The following ANK2 variants were observed in gnomAD, a reference collection of about 807,000 sequenced individuals.
ANK2 encodes ankyrin-2.
A neutral mutation model predicts 360.5 loss-of-function variants in ANK2; 83 were observed. The ratio of observed to expected loss-of-function variants is 0.23; its 90% confidence interval spans 0.19 to 0.28. The LOEUF is 0.28. Ranked by LOEUF, ANK2 falls within the 10% of genes least tolerant of loss-of-function variation. ANK2 has a pLI of 1.00. For missense variants in ANK2, 4,201 were observed against 4,795.7 expected, an observed-to-expected ratio of 0.88 and a Z score of 3.66; for synonymous variants, 1,740 against 1,759.5, an observed-to-expected ratio of 0.99 and a Z score of 0.28.
intron 1 of ANK2, among the ~76,000 whole-genome samples, chr4:113,125,477 A>G (rs1336087663): frequency 6.6e-6 from 1 of 152,198 alleles, no homozygotes; most frequent in Non-Finnish European, 1.5e-5. Flanking sequence ...TTAATAAAGT[A>G]TATTTATACA....
At position 113,265,008 on chromosome 4, in the gene ANK2, G is replaced by A. The variant is rs765350228; in HGVS notation, c.1485+13G>A. The A allele has an allele frequency of 1.3e-6, 2 of 1,553,608 alleles. No individual in the cohort carries two copies. The highest frequency in any genetic ancestry group is 1.4e-5 in the African/African-American group (1 of 73,510). The stretch of plus-strand genomic sequence containing the variant: ...TGCCAGAGCCAGGGTAGGTACTGGT[G>A]CCCTGAGGTTCTCTTCTATCGCAGC... On this transcript the variant is annotated intron_variant, in intron 14 of 45. Coordinates refer to ENST00000357077, the MANE Select transcript of ANK2 (RefSeq NM_001148.6).
At chr4:112,953,359 A>C (rs1316495727) in intron 2 of ANK2, among the ~76,000 whole-genome samples, 1 of 152,248 alleles carries the variant, frequency 6.6e-6, no homozygotes, top group Non-Finnish European at 1.5e-5. Context: ...ATAGTTCTAG[A>C]AGGAAATAAA....
intron 4 of ANK2, among the ~76,000 whole-genome samples, chr4:113,217,339 T>C (rs751855959): frequency 1.3e-5 from 2 of 152,182 alleles, no homozygotes; most frequent in Non-Finnish European, 2.9e-5. Context: ...CAACTAAAGT[T>C]TGTTCGGGGT....
intron 1 of ANK2, among the ~76,000 whole-genome samples, chr4:112,846,055 C>G (rs1462598936): frequency 6.6e-6 from 1 of 152,172 alleles, no homozygotes; most frequent in East Asian, 1.9e-4. Flanking sequence ...TTTCTTCTTA[C>G]TTCTTGAAAC....
intron 2 of ANK2, among the ~76,000 whole-genome samples, chr4:112,935,120 AGTGT>A (rs10601105): frequency 0.041 from 6,137 of 148,730 alleles, 478 homozygotes; most frequent in East Asian, 0.31. Flanking sequence ...AGTCAGAGAA[AGTGT>A]GTGTGTGTGT....
At chr4:112,815,433 T>C (rs1459633891), upstream of ANK2, among the ~76,000 whole-genome samples, 1 of 152,222 alleles carries the variant, frequency 6.6e-6, no homozygotes, top group Non-Finnish European at 1.5e-5. Context: ...CCCTAGTTTC[T>C]GACGCAGAGC....
rs1156303565 is a variant in ANK2, at chr4:113,381,815, A to G, written c.*344A>G. Reference sequence around the variant, plus strand: ...CCCCATCCTCTTTAACTATAAAGCTAATTTGTGACCAAAGATGGCATCCTT... The same window carrying G: ...CCCCATCCTCTTTAACTATAAAGCTGATTTGTGACCAAAGATGGCATCCTT... On this transcript the variant is annotated 3_prime_UTR_variant, in exon 46 of 46. Coordinates refer to ENST00000357077, the MANE Select transcript of ANK2 (RefSeq NM_001148.6). The G allele has an allele frequency of 2.7e-5, 15 of 554,328 alleles. No homozygotes were observed. Among genetic ancestry groups the G allele is most frequent in the Non-Finnish European group, 3.6e-5 (12 of 329,590 alleles). 34.3% of individuals were successfully genotyped at this position (554,328 alleles called of 1,614,324 possible).
the ANK2 span, chr4:112,738,928 C>A: frequency 1.4e-6 from 1 of 707,782 alleles, no homozygotes; most frequent in Non-Finnish European, 2.5e-6. Context: ...GTGGCTTCCG[C>A]AAGTTCCTGG....
chr4:113,380,897 C>T (rs73844010), intron 45 of ANK2, among the ~76,000 whole-genome samples: 3,991 of 152,192 alleles, frequency 0.026, 190 homozygotes, highest in African/African-American at 0.09. Flanking sequence ...TGTTGGGAGC[C>T]ACCTTCTTAT....
In ANK2 at chr4:113,252,402, T is replaced by C. The variant is rs535562477; in HGVS notation, c.990+2540T>C. ...TCCTAGGTTTAAATCACCCATTCTT[T>C]CTTCTGAAGCAACTATCTAAGTGTC... On this transcript the variant is annotated intron_variant, in intron 10 of 45. Coordinates refer to ENST00000357077, the MANE Select transcript of ANK2 (RefSeq NM_001148.6). Among the ~76,000 whole-genome samples, 14 of 152,282 alleles carry C rather than the reference T, an allele frequency of 9.2e-5. No individual in the cohort carries two copies. The South Asian group carries it at 2.9e-3, about 32-fold the overall frequency.
In ANK2 at chr4:113,201,257, A is replaced by G. The variant is rs924046001; in HGVS notation, c.384+2148A>G. 2.6e-5 allele frequency among the ~76,000 whole-genome samples: 4 copies of G among 152,224 alleles called. No individual in the cohort carries two copies. The East Asian group carries it at 5.8e-4, about 22-fold the overall frequency. ...TTTTGCTTTAGACAGAGGTTTTCAA[A>G]CTTTAGTCTGCATCATAACCACCTG... is the stretch of plus-strand genomic sequence containing the variant. On this transcript the variant is annotated intron_variant, in intron 4 of 45. Transcript: ENST00000357077.
At chr4:112,864,949 G>T (rs2069757682) in intron 1 of ANK2, among the ~76,000 whole-genome samples, 1 of 145,024 alleles carries the variant, frequency 6.9e-6, no homozygotes, top group African/African-American at 2.6e-5. Context: ...GGAGAATGGC[G>T]TGAACCCAGG....
intron 4 of ANK2, among the ~76,000 whole-genome samples, chr4:113,224,876 G>GTTTTTTT (rs11325379): frequency 1.5e-5 from 2 of 133,244 alleles, no homozygotes; most frequent in African/African-American, 2.8e-5. Context: ...GATCTTTGAA[G>GTTTTTTT]TTTTTTTTTT....
At chr4:113,292,342 A>G in intron 20 of ANK2, 74 bp from the exon 21 acceptor site, 2 of 1,329,628 alleles carry the variant, frequency 1.5e-6, no homozygotes, top group Non-Finnish European at 2.1e-6. Context: ...AAGACTATTC[A>G]AAATGAAGGC....
At chr4:113,303,209 TTAAG>T (rs1333172113) in intron 23 of ANK2, among the ~76,000 whole-genome samples, 1 of 152,214 alleles carries the variant, frequency 6.6e-6, no homozygotes, top group Non-Finnish European at 1.5e-5. Flanking sequence ...TCAAATGACT[TTAAG>T]TAAAGACTTT....
chr4:112,727,308 A>T, the ANK2 span, among the ~76,000 whole-genome samples: 1 of 152,082 alleles, frequency 6.6e-6, no homozygotes, highest in Non-Finnish European at 1.5e-5. Flanking sequence ...AATATCACAG[A>T]TTATGGTTGC....
At chr4:112,732,547 G>A in the ANK2 span, among the ~76,000 whole-genome samples, 3 of 152,256 alleles carry the variant, frequency 2.0e-5, no homozygotes, top group Middle Eastern at 3.4e-3. Flanking sequence ...CCAGAGTAGG[G>A]ATTTTTAATT....
intron 2 of ANK2, among the ~76,000 whole-genome samples, chr4:113,042,540 A>C (rs1006008024): frequency 3.3e-5 from 5 of 152,152 alleles, no homozygotes; most frequent in African/African-American, 1.2e-4. Context: ...GAATTTCAAC[A>C]TGTAAATTTT....
At chr4:112,902,778 T>G (rs886704112) in intron 1 of ANK2, among the ~76,000 whole-genome samples, 2 of 152,224 alleles carry the variant, frequency 1.3e-5, no homozygotes, top group African/African-American at 4.8e-5. Flanking sequence ...AGTGTCTGAA[T>G]ATGTGTTTAT....
Sources: gnomAD v4.1 joint callset for allele counts (sites outside exome capture counted in the v4.1 genomes callset) on GRCh38, gnomAD v4.1.1 for gene constraint, MANE v1.5 for transcripts, NCBI Gene and HGNC (gene_info 2026-07-23, HGNC 2026-07-21) for gene names.